The following FBXO11 variants were observed in gnomAD, a reference collection of about 807,000 sequenced individuals.
FBXO11 encodes the protein F-box protein 11, also known as F-box only protein 11.
Under a neutral mutation model 117.0 loss-of-function variants are expected in FBXO11, and 13 were observed. The observed-to-expected ratio is 0.11, with a 90% CI of 0.07 to 0.18. The LOEUF is 0.18. FBXO11 is among the 10% of genes least tolerant of loss of function. The pLI is 1.00. For synonymous variants in FBXO11, 490 were observed against 380.5 expected (o/e 1.29, Z -3.35); for missense variants, 767 against 1,164.4 (o/e 0.66, Z 4.97).
At chr2:47,838,649 G>C (rs907926009) in intron 4 of FBXO11, among the ~76,000 whole-genome samples, 3 of 152,144 alleles carry the variant, frequency 2.0e-5, no homozygotes, top group Admixed American at 6.5e-5. Flanking sequence ...GCTATTAACT[G>C]ATAAACAGCA....
chr2:47,905,777 G>A lies in FBXO11; in HGVS notation c.-57C>T. On this transcript the variant is annotated 5_prime_UTR_variant, in exon 1 of 23. Transcript: ENST00000403359. ...GGACACACACACGCACACGCACAGC[G>A]AGCTTCGGGGCAGGAGAAAGGGGTG... 2 of 1,382,158 alleles carry A rather than the reference G, an allele frequency of 1.4e-6. No individual in the cohort carries two copies. The highest frequency in any genetic ancestry group is 1.5e-5 in the African/African-American group (1 of 65,210). 85.6% of individuals were successfully genotyped at this position (1,382,158 alleles called of 1,614,324 possible). A position where few individuals can be genotyped will look rare whatever the true frequency, so the allele number is the denominator to read the frequency against.
intron 11 of FBXO11, among the ~76,000 whole-genome samples, chr2:47,831,312 A>C (rs1392293877): frequency 2.6e-5 from 4 of 151,366 alleles, no homozygotes; most frequent in South Asian, 2.1e-4. Context: ...GCTACTTGGA[A>C]GGCTGAGACA....
chr2:47,809,646 C>T lies in FBXO11; in HGVS notation c.2400G>A (p.Arg800=). 3 of 1,613,590 alleles carry T rather than the reference C, an allele frequency of 1.9e-6. No individual in the cohort carries two copies. In the South Asian group the frequency reaches 3.3e-5, roughly 18 times the overall value. ...TLEGNQIFNN[R]FGGLFLASGV... is the part of the protein sequence containing the mutation. ...CAGATGCTAAAAATAAGCCTCCAAA[C>T]CGGTTGTTAAAAATCTGATTGCCTT... The change falls in exon 20 of 23, where the codon CGG becomes CGA. Residue 800 remains arginine, a synonymous_variant. Transcript: ENST00000403359.
At chr2:47,871,141 G>C (rs994949078) in intron 1 of FBXO11, among the ~76,000 whole-genome samples, 13 of 152,160 alleles carry the variant, frequency 8.5e-5, no homozygotes, top group African/African-American at 2.4e-4. Context: ...CAATTTGGGA[G>C]AGTAGGTGAT....
chr2:47,845,116 A>C (rs1673306609), intron 1 of FBXO11, among the ~76,000 whole-genome samples: 1 of 151,992 alleles, frequency 6.6e-6, no homozygotes, highest in South Asian at 2.1e-4. Flanking sequence ...ACCTTCTTAA[A>C]ATCTGTGGAC....
At chr2:47,875,859 T>C (rs1392594725) in intron 1 of FBXO11, among the ~76,000 whole-genome samples, 1 of 152,222 alleles carries the variant, frequency 6.6e-6, no homozygotes, top group Non-Finnish European at 1.5e-5. Flanking sequence ...TTAGTTCTGC[T>C]GGTCTGGAAG....
intron 11 of FBXO11, among the ~76,000 whole-genome samples, chr2:47,829,395 C>T (rs1387593181): frequency 6.6e-6 from 1 of 151,968 alleles, no homozygotes; most frequent in African/African-American, 2.4e-5. Flanking sequence ...CGTGCACCAA[C>T]ACACCCGGCT....
chr2:47,896,182 A>G (rs751897643), intron 1 of FBXO11, among the ~76,000 whole-genome samples: 2 of 152,224 alleles, frequency 1.3e-5, no homozygotes, highest in African/African-American at 2.4e-5. Context: ...GAAAAATTTA[A>G]AAGTCAGAAA....
intron 1 of FBXO11, chr2:47,888,636 GTTC>G (rs1472058065): frequency 1.0e-6 from 1 of 976,656 alleles, no homozygotes; most frequent in Non-Finnish European, 1.2e-6. Context: ...TTTTAGGCTT[GTTC>G]TTCTTTGGAA....
At chr2:47,824,467 G>A (rs917671145) in intron 11 of FBXO11, among the ~76,000 whole-genome samples, 1 of 152,094 alleles carries the variant, frequency 6.6e-6, no homozygotes, top group Non-Finnish European at 1.5e-5. Flanking sequence ...ACTCCAGCCT[G>A]GACAACAGAG....
At chr2:47,839,128 T>C in intron 3 of FBXO11, 125 bp from the exon 4 acceptor site, 3 of 983,112 alleles carry the variant, frequency 3.1e-6, no homozygotes, top group East Asian at 2.6e-5. Context: ...TTTATAAGCA[T>C]GTGGGTTTCA....
chr2:47,832,064 G>A (rs1052877338), intron 11 of FBXO11, among the ~76,000 whole-genome samples: 1 of 152,070 alleles, frequency 6.6e-6, no homozygotes, highest in Non-Finnish European at 1.5e-5. Flanking sequence ...CTTTTGGGTG[G>A]CTTTTATGAA....
At chr2:47,823,763 TA>T (rs200953841) in intron 11 of FBXO11, among the ~76,000 whole-genome samples, 20 of 150,184 alleles carry the variant, frequency 1.3e-4, no homozygotes, top group African/African-American at 4.2e-4. Flanking sequence ...CAAAAAAAAT[TA>T]AAAAAAAAGT....
intron 1 of FBXO11, among the ~76,000 whole-genome samples, chr2:47,843,726 TTGCTGC>T (rs141435870): frequency 1.4e-4 from 21 of 148,040 alleles, no homozygotes; most frequent in African/African-American, 3.1e-4. Context: ...CATTTTAGAT[TTGCTGC>T]TGCTTCTTCT....
chr2:47,880,756 A>T (rs952266584), intron 1 of FBXO11, among the ~76,000 whole-genome samples: 1 of 152,214 alleles, frequency 6.6e-6, no homozygotes, highest in Non-Finnish European at 1.5e-5. Context: ...TCCACCTGGT[A>T]TGTTAAAATC....
intron 16 of FBXO11, among the ~76,000 whole-genome samples, chr2:47,817,415 T>C (rs1180950857): frequency 1.3e-5 from 2 of 152,242 alleles, no homozygotes; most frequent in African/African-American, 4.8e-5. Context: ...CTTTGAACCC[T>C]GAGAAACTAA....
At chr2:47,828,544 G>A (rs1322320915) in intron 11 of FBXO11, among the ~76,000 whole-genome samples, 4 of 151,802 alleles carry the variant, frequency 2.6e-5, no homozygotes, top group African/African-American at 9.7e-5. Context: ...GGAAGGTGGA[G>A]GTTGCAGTGA....
chr2:47,876,082 A>G (rs75149362), intron 1 of FBXO11, among the ~76,000 whole-genome samples: 11,033 of 152,274 alleles, frequency 0.072, 561 homozygotes, highest in Non-Finnish European at 0.11. Flanking sequence ...CCTTAATGTC[A>G]CACAGTTAGT....
intron 1 of FBXO11, among the ~76,000 whole-genome samples, chr2:47,868,895 C>T (rs1558458526): frequency 6.6e-6 from 1 of 152,224 alleles, no homozygotes; most frequent in African/African-American, 2.4e-5. Context: ...CTGGCATAGA[C>T]ACTTCACAGC....
Sources: allele counts gnomAD v4.1 joint callset (sites outside exome capture counted in the v4.1 genomes callset), GRCh38; gene constraint gnomAD v4.1.1; transcripts MANE v1.5; gene names NCBI Gene and HGNC (gene_info 2026-07-23, HGNC 2026-07-21).